The following EVC variants were observed in gnomAD, a reference collection of about 807,000 sequenced individuals.
The protein encoded by EVC is EvC ciliary complex subunit 1, also known as evC complex member EVC.
In EVC, 116 loss-of-function variants were observed where a neutral mutation model predicts 118.9. The ratio of observed to expected loss-of-function variants is 0.98; its 90% CI spans 0.84 to 1.14. EVC has a LOEUF of 1.14. EVC is among the 50% of genes most tolerant of loss of function. The pLI is 0.00. For missense variants in EVC, 1,401 were observed against 1,246.4 expected (o/e 1.12, Z -1.87); for synonymous variants, 619 against 534.7 (o/e 1.16, Z -2.18).
intron 11 of EVC, among the ~76,000 whole-genome samples, chr4:5,763,220 T>C (rs1260422177): frequency 8.5e-5 from 12 of 141,560 alleles, no homozygotes; most frequent in Non-Finnish European, 1.2e-4. Context: ...TGTAGATATG[T>C]GGCATTATTT....
intron 2 of EVC, among the ~76,000 whole-genome samples, chr4:5,726,195 T>G (rs1201279248): frequency 4.6e-5 from 7 of 152,224 alleles, no homozygotes; most frequent in Admixed American, 3.9e-4. Flanking sequence ...AGCTCACTCT[T>G]CAAGACGTGG....
At chr4:5,820,684 CAGGA>C in the EVC span, 1 of 152,334 alleles carries the variant, frequency 6.6e-6, no homozygotes, top group African/African-American at 2.4e-5. Context: ...AGTGAGTCCT[CAGGA>C]AGCAGCCACC....
At position 5,738,926 on chromosome 4, in the gene EVC, A is replaced by C. The variant is rs148960144; in HGVS notation, c.703-2790A>C. 6.6e-6 allele frequency among the ~76,000 whole-genome samples: 1 copy of C among 152,110 alleles called. No individual in the cohort carries two copies. Among genetic ancestry groups the C allele is most frequent in the Non-Finnish European group, 1.5e-5 (1 of 68,020 alleles). ...ATGATCATTAGCATTTTTTAGGAAG[A>C]AGTTATTTTTAAAATTAAGGTATGT... On this transcript the variant is annotated intron_variant, in intron 5 of 20. Transcript: ENST00000264956. The surrounding 1 kb of genome is among the most constrained non-coding windows in gnomAD (Gnocchi z 6.5).
rs761665926 is a variant in EVC at position 5,731,405 on chromosome 4, G to A, written c.385-20G>A. On this transcript the variant is annotated intron_variant, in intron 3 of 20. Transcript: ENST00000264956. This position sits in a 1 kb window ranked among gnomAD's most constrained non-coding sequence, Gnocchi z 5.6. Reference sequence around the variant, plus strand: ...CAGAGGCATCACATGGACTGAGTGTGACTCCTACTGCCACCCCAGCCTCTG... The same window carrying A: ...CAGAGGCATCACATGGACTGAGTGTAACTCCTACTGCCACCCCAGCCTCTG... 35 of 1,581,622 alleles carry A rather than the reference G, an allele frequency of 2.2e-5. No individual in the cohort carries two copies. The highest frequency in any genetic ancestry group is 3.0e-5 in the Non-Finnish European group (35 of 1,150,810).
chr4:5,792,453 CA>C (rs1366544254), intron 12 of EVC, among the ~76,000 whole-genome samples: 1 of 152,110 alleles, frequency 6.6e-6, no homozygotes, highest in Non-Finnish European at 1.5e-5. Context: ...AATTTAGCCA[CA>C]AAACACATGA....
At chr4:5,797,376 G>T in intron 14 of EVC, 144 bp downstream of exon 14, 1 of 727,546 alleles carries the variant, frequency 1.4e-6, no homozygotes, top group South Asian at 1.6e-5. Context: ...GGCTGCCATA[G>T]CAAGGTCCCA....
In EVC at chr4:5,719,693, A is replaced by AT. The variant is rs1281416981; in HGVS notation, c.300+322dup. Among the ~76,000 whole-genome samples the AT allele has an allele frequency of 6.6e-6, 1 of 152,090 alleles. No individual in the cohort carries two copies. Among genetic ancestry groups the AT allele is most frequent in the Non-Finnish European group, 1.5e-5 (1 of 68,026 alleles). On this transcript the variant is annotated intron_variant, in intron 2 of 20. Coordinates refer to ENST00000264956, the MANE Select transcript of EVC (RefSeq NM_153717.3). This position sits in a 1 kb window ranked among gnomAD's most constrained non-coding sequence, Gnocchi z 4.7. The stretch of plus-strand genomic sequence containing the variant: ...GTGCCCATGCGTGGGATTTCCATTG[A>AT]TTGGTTCTGCAGTTCTGGAACCTTA...
At chr4:5,794,279 T>TA (rs1560419529) in intron 13 of EVC, among the ~76,000 whole-genome samples, 41 of 137,730 alleles carry the variant, frequency 3.0e-4, no homozygotes, top group Admixed American at 1.8e-3. Flanking sequence ...TTATATATAT[T>TA]TATATATATT....
rs1347308326 is a variant in EVC, at chr4:5,731,852, G to A, written c.617+195G>A. Among the ~76,000 whole-genome samples the A allele has an allele frequency of 6.6e-6, 1 of 152,168 alleles. No individual in the cohort carries two copies. The highest frequency in any genetic ancestry group is 2.4e-5 in the African/African-American group (1 of 41,438). ...CTGTGCTGTATTGCCCAACACTGGG[G>A]TTATGGAGTCAGGCCTGAGCCCCGG... On this transcript the variant is annotated intron_variant, in intron 4 of 20. Transcript: ENST00000264956. The surrounding 1 kb of genome is among the most constrained non-coding windows in gnomAD (Gnocchi z 5.6).
At position 5,719,191 on chromosome 4, in the gene EVC, G is replaced by A. The variant is rs773232326; in HGVS notation, c.175-57G>A. The A allele has an allele frequency of 2.7e-5, 44 of 1,612,212 alleles. No homozygotes were observed. Among genetic ancestry groups the A allele is most frequent in the East Asian group, 1.1e-4 (5 of 44,822 alleles). Reference sequence around the variant, plus strand: ...CAAAAGTCACGGTGGGGACCAGGCCGACTGACCTCAATGTTGTGTTTCTAT... The same window carrying A: ...CAAAAGTCACGGTGGGGACCAGGCCAACTGACCTCAATGTTGTGTTTCTAT... On this transcript the variant is annotated intron_variant, in intron 1 of 20. Coordinates refer to ENST00000264956, the MANE Select transcript of EVC (RefSeq NM_153717.3). The surrounding 1 kb of genome is among the most constrained non-coding windows in gnomAD (Gnocchi z 4.7).
chr4:5,790,205 G>A (rs953496706), intron 12 of EVC, among the ~76,000 whole-genome samples: 1 of 127,078 alleles, frequency 7.9e-6, no homozygotes, highest in African/African-American at 2.8e-5. Flanking sequence ...AGACAACGAT[G>A]ACTGTGCAGA....
rs1373702921 is a variant in EVC at position 5,794,251 on chromosome 4, TTA to T, written c.1886+538_1886+539del. On this transcript the variant is annotated intron_variant, in intron 13 of 20. Transcript: ENST00000264956. ...AATATATATATATTTATATATATAT[TTA>T]TATGTATTTATATATTTATATATAT... Among the ~76,000 whole-genome samples, 50 of 31,274 alleles carry T rather than the reference TTA, an allele frequency of 1.6e-3. 1 individual carries two copies. In the South Asian group the frequency reaches 0.05, roughly 31 times the overall value. The allele number at this position is 31,274 out of a possible 152,430, so 20.5% of individuals were successfully genotyped here.
the EVC span, among the ~76,000 whole-genome samples, chr4:5,822,288 A>G: frequency 0.035 from 5,293 of 152,314 alleles, 278 homozygotes; most frequent in African/African-American, 0.12. Flanking sequence ...TGCGGGACAC[A>G]GGTGTTGGGT....
the EVC span, among the ~76,000 whole-genome samples, chr4:5,820,244 C>T: frequency 6.6e-6 from 1 of 152,182 alleles, no homozygotes; most frequent in Non-Finnish European, 1.5e-5. Context: ...CCAGCAACTT[C>T]ATCACTATCA....
At chr4:5,741,622 T>C in intron 5 of EVC, 94 bp from the exon 6 acceptor site, 4 of 711,188 alleles carry the variant, frequency 5.6e-6, no homozygotes, top group Non-Finnish European at 1.0e-5. Flanking sequence ...AGAGAGGCAG[T>C]GGGGGAGGGA....
At chr4:5,777,135 T>G (rs542928596) in intron 11 of EVC, among the ~76,000 whole-genome samples, 1 of 152,248 alleles carries the variant, frequency 6.6e-6, no homozygotes, top group South Asian at 2.1e-4. Flanking sequence ...GTAGAAATAT[T>G]TTCAGGTATA....
rs1483120703 is a variant in EVC, at chr4:5,752,993, AGG to A, written c.1257_1258del (p.Glu420AlafsTer56). The A allele has an allele frequency of 1.4e-5, 22 of 1,613,340 alleles. No individual in the cohort carries two copies. The highest frequency in any genetic ancestry group is 1.9e-5 in the Non-Finnish European group (22 of 1,179,784). On this transcript the variant is annotated frameshift_variant, in exon 9 of 21. Coordinates refer to ENST00000264956, the MANE Select transcript of EVC (RefSeq NM_153717.3). LOFTEE classifies it high-confidence loss of function. ...GGGAAGCTGTCCGGGCGGCAGAAGG[AGG>A]AGCTGCTCACGCAGCAGCACAAGGC...
chr4:5,782,140 C>T (rs1010911604), intron 11 of EVC, among the ~76,000 whole-genome samples: 3 of 152,250 alleles, frequency 2.0e-5, no homozygotes, highest in Non-Finnish European at 4.4e-5. Flanking sequence ...TGCAGTGACA[C>T]AATCTCAGCC....
At chr4:5,788,095 T>A (rs1229372912) in intron 12 of EVC, among the ~76,000 whole-genome samples, 1 of 152,208 alleles carries the variant, frequency 6.6e-6, no homozygotes, top group East Asian at 1.9e-4. Context: ...TCCTCTTCTT[T>A]ATCTACATGC....
Sources: gnomAD v4.1 joint callset for allele counts (sites outside exome capture counted in the v4.1 genomes callset) on GRCh38, gnomAD v4.1.1 for gene constraint, Gnocchi (gnomAD v3.1) non-coding constraint, MANE v1.5 for transcripts, NCBI Gene and HGNC (gene_info 2026-07-23, HGNC 2026-07-21) for gene names.